Variants in RGS5 observed in about 807,000 individuals in gnomAD.
RGS5 encodes the protein regulator of G protein signaling 5.
A neutral mutation model predicts 18.9 loss-of-function variants in RGS5; 20 were observed. That is an observed-to-expected ratio of 1.06 (90% CI 0.74 to 1.54). RGS5 has a LOEUF of 1.54. Among genes scored for constraint, RGS5 ranks in the 40% most tolerant of loss-of-function variants. RGS5 has a pLI of 0.00. For synonymous variants in RGS5, 57 were observed against 76.2 expected, an observed-to-expected ratio of 0.75 and a Z score of 1.31; for missense variants, 201 against 211.8, an observed-to-expected ratio of 0.95 and a Z score of 0.32.
chr1:163,307,557 G>A (rs752340361), intron 1 of RGS5, among the ~76,000 whole-genome samples: 2 of 151,960 alleles, frequency 1.3e-5, no homozygotes, highest in Non-Finnish European at 2.9e-5. Context: ...AGAAGCGTGC[G>A]GATTAGGAAA....
At chr1:163,243,813 A>AACACAC (rs140181467) in intron 2 of RGS5, among the ~76,000 whole-genome samples, 1,726 of 150,190 alleles carry the variant, frequency 0.011, 34 homozygotes, top group African/African-American at 0.04. Flanking sequence ...ACATTCACAC[A>AACACAC]ACACACACAC....
rs1214146682 is a variant in RGS5, at chr1:163,152,788, A to G, written c.218-72T>C. On this transcript the variant is annotated intron_variant, in intron 3 of 4. Transcript: ENST00000313961. The stretch of plus-strand genomic sequence containing the variant: ...AACAAATATTGTATCCATGAGAGAA[A>G]GGGAAAGGGCTTAGCAATACTCTTC... The G allele has an allele frequency of 3.6e-6, 5 of 1,404,084 alleles. No homozygotes were observed. The South Asian group carries it at 4.4e-5, about 12-fold the overall frequency. 87.0% of individuals were successfully genotyped at this position (1,404,084 alleles called of 1,614,324 possible).
chr1:163,286,794 TC>T lies in RGS5; in HGVS notation c.-281+19438del, dbSNP rs142205456. Among the ~76,000 whole-genome samples the T allele has an allele frequency of 3.1e-3, 477 of 152,266 alleles. 1 individual carries two copies. Among genetic ancestry groups the T allele is most frequent in the African/African-American group, 0.011 (439 of 41,558 alleles). On this transcript the variant is annotated intron_variant, in intron 2 of 5. Transcript: ENST00000618415. ...CATATTTGCAGTACCATATGCAAATTCTTTGGAACATCTAGAAAAAAAAATT... is the reference window on the plus strand; with the variant it reads ...CATATTTGCAGTACCATATGCAAATTTTTGGAACATCTAGAAAAAAAAATT...
At chr1:163,305,761 T>G (rs557285949) in intron 2 of RGS5, among the ~76,000 whole-genome samples, 17 of 152,286 alleles carry the variant, frequency 1.1e-4, no homozygotes, top group African/African-American at 4.1e-4. Context: ...CTCTCCCTTT[T>G]GTTTGCATCT....
intron 2 of RGS5, among the ~76,000 whole-genome samples, chr1:163,256,322 C>CAA (rs1648271723): frequency 1.1e-5 from 1 of 89,374 alleles, no homozygotes; most frequent in Admixed American, 1.0e-4. Flanking sequence ...CAATAACAGA[C>CAA]AAACAGAGAG....
At chr1:163,304,852 C>T (rs1271087320) in intron 2 of RGS5, 2 of 152,202 alleles carry the variant, frequency 1.3e-5, no homozygotes, top group Non-Finnish European at 2.9e-5. Flanking sequence ...CTTGGTCTAA[C>T]AAGTAGTCTT....
intron 3 of RGS5, among the ~76,000 whole-genome samples, chr1:163,153,176 C>T (rs1292246414): frequency 2.6e-5 from 4 of 152,158 alleles, no homozygotes; most frequent in Non-Finnish European, 5.9e-5. Context: ...ACTCACAATT[C>T]TTTATTTTCT....
rs1263038213 is a variant in RGS5 at position 163,143,030 on chromosome 1, A to C, written c.*4312T>G. 1 of 152,204 alleles carries C rather than the reference A, an allele frequency of 6.6e-6. No individual in the cohort carries two copies. The highest frequency in any genetic ancestry group is 1.5e-5 in the Non-Finnish European group (1 of 68,040). 9.4% of individuals were successfully genotyped at this position (152,204 alleles called of 1,614,324 possible). ...GACTCTCTGCTGTAAGTTTCCATTC[A>C]AAGCCAGGAGTCTTTTCTCAGTTGG... On this transcript the variant is annotated 3_prime_UTR_variant, in exon 5 of 5. Transcript: ENST00000313961.
intron 2 of RGS5, among the ~76,000 whole-genome samples, chr1:163,263,069 G>A (rs1416706248): frequency 6.6e-6 from 1 of 152,184 alleles, no homozygotes; most frequent in Non-Finnish European, 1.5e-5. Context: ...AAGAACCTCA[G>A]GGACTTCATT....
intron 2 of RGS5, among the ~76,000 whole-genome samples, chr1:163,247,582 TTA>T (rs5778320): frequency 1.3e-3 from 197 of 147,474 alleles, no homozygotes; most frequent in South Asian, 7.0e-3. Flanking sequence ...AGAAGTTGAT[TTA>T]TATATATATA....
At chr1:163,312,357 G>A (rs903576592) in intron 1 of RGS5, among the ~76,000 whole-genome samples, 13 of 152,142 alleles carry the variant, frequency 8.5e-5, no homozygotes, top group Non-Finnish European at 1.6e-4. Context: ...GTGTGAGAAC[G>A]GACTAATACA....
At chr1:163,266,099 A>G (rs1648566194) in intron 2 of RGS5, among the ~76,000 whole-genome samples, 1 of 151,874 alleles carries the variant, frequency 6.6e-6, no homozygotes, top group South Asian at 2.1e-4. Flanking sequence ...CTAATCTCCT[A>G]CAGCACTGCC....
At chr1:163,216,867 G>T (rs755715074) in intron 1 of RGS5, among the ~76,000 whole-genome samples, 54 of 152,102 alleles carry the variant, frequency 3.6e-4, no homozygotes, top group Non-Finnish European at 6.3e-4. Flanking sequence ...GATTCACAGC[G>T]ACCTCGCCAA....
intron 2 of RGS5, among the ~76,000 whole-genome samples, chr1:163,303,722 C>T (rs1649624377): frequency 6.6e-6 from 1 of 152,266 alleles, no homozygotes; most frequent in East Asian, 1.9e-4. Flanking sequence ...AGGAACCAGG[C>T]CACACAGCAC....
At chr1:163,321,404 G>A (rs1650204708) in intron 1 of RGS5, 1 of 152,200 alleles carries the variant, frequency 6.6e-6, no homozygotes, top group Admixed American at 6.5e-5. Flanking sequence ...GAGGATGTGT[G>A]TTCATATCCC....
At position 163,256,857 on chromosome 1, in the gene RGS5, C is replaced by CA. The variant is rs574433053; in HGVS notation, c.-281+49375dup. Among the ~76,000 whole-genome samples the CA allele has an allele frequency of 4.2e-3, 643 of 152,256 alleles. 2 individuals are homozygous for CA. The highest frequency in any genetic ancestry group is 0.01 in the Middle Eastern group (3 of 294). On this transcript the variant is annotated intron_variant, in intron 2 of 5. Transcript: ENST00000618415. ...GGGTGGGTAAGGAAGAGCATAGTCA[C>CA]AAAATCACACCGATATTTAGAAAAC...
intron 2 of RGS5, among the ~76,000 whole-genome samples, chr1:163,224,877 C>CT (rs947617292): frequency 7.9e-5 from 12 of 151,106 alleles, no homozygotes; most frequent in Non-Finnish European, 1.8e-4. Context: ...GGCCATCAGA[C>CT]TTTTTTTTTG....
chr1:163,244,714 A>C (rs1647882184), intron 2 of RGS5: 1 of 152,210 alleles, frequency 6.6e-6, no homozygotes, highest in African/African-American at 2.4e-5. Context: ...TGAAAACAGT[A>C]ATACTCCATG....
upstream of RGS5, among the ~76,000 whole-genome samples, chr1:163,219,335 A>G (rs1417764778): frequency 1.3e-5 from 2 of 152,158 alleles, no homozygotes; most frequent in Non-Finnish European, 2.9e-5. Context: ...TTTCATATAA[A>G]TGGTATCATA....
Sources: allele counts gnomAD v4.1 joint callset (sites outside exome capture counted in the v4.1 genomes callset), GRCh38; gene constraint gnomAD v4.1.1; transcripts MANE v1.5; gene names NCBI Gene and HGNC (gene_info 2026-07-23, HGNC 2026-07-21).